The following PPFIA2 variants were observed in gnomAD, a reference collection of about 807,000 sequenced individuals.
PPFIA2 encodes liprin-alpha-2.
Under a neutral mutation model 175.5 loss-of-function variants are expected in PPFIA2, and 46 were observed. The observed-to-expected ratio is 0.26, with a 90% confidence interval of 0.21 to 0.34. PPFIA2 has a LOEUF of 0.34. PPFIA2 is among the 10% of genes least tolerant of loss of function. The pLI is 1.00. For synonymous variants in PPFIA2, 568 were observed against 511.4 expected (o/e 1.11, Z -1.49); for missense variants, 1,179 against 1,506.1 (o/e 0.78, Z 3.60).
rs773307283 is a variant in PPFIA2 at position 81,384,206 on chromosome 12, A to G, written c.801T>C (p.Thr267=). The part of the protein sequence containing the change: ...SNGSIDSTDE[T]SQIVELQELL... The stretch of plus-strand genomic sequence containing the variant: ...ATTCTTGTAGTTCAACTATTTGACT[A>G]GTTTCATCGGTTGAGTCTATAGAAC... Residue 267 remains threonine, a synonymous_variant, in exon 9 of 33, where the codon ACT becomes ACC. Transcript: ENST00000549396. The G allele has an allele frequency of 3.1e-6, 5 of 1,603,844 alleles. No individual in the cohort carries two copies. Among genetic ancestry groups the G allele is most frequent in the East Asian group, 4.5e-5 (2 of 44,562 alleles).
intron 4 of PPFIA2, among the ~76,000 whole-genome samples, chr12:81,670,057 G>A (rs1287240085): frequency 2.0e-5 from 3 of 151,930 alleles, no homozygotes; most frequent in African/African-American, 4.8e-5. Flanking sequence ...TTTGAGAAGG[G>A]TAGCATGAAG....
chr12:81,508,984 A>C (rs1429619731), intron 4 of PPFIA2, among the ~76,000 whole-genome samples: 1 of 152,164 alleles, frequency 6.6e-6, no homozygotes, highest in African/African-American at 2.4e-5. Flanking sequence ...CTGGATTAAG[A>C]AAATGTGGCA....
At chr12:81,462,258 T>TATATATATATATATGTTAGAAAAC (rs2054680688) in intron 4 of PPFIA2, among the ~76,000 whole-genome samples, 19 of 93,620 alleles carry the variant, frequency 2.0e-4, no homozygotes, top group African/African-American at 9.4e-4. Context: ...TTCTAACATA[T>TATATATATATATATGTTAGAAAAC]ATATATATAT....
chr12:81,677,504 T>G (rs2072763892), intron 3 of PPFIA2, among the ~76,000 whole-genome samples: 2 of 151,920 alleles, frequency 1.3e-5, no homozygotes, highest in African/African-American at 4.8e-5. Context: ...ACCTCCCAAC[T>G]AGCCTTCCCA....
chr12:81,405,892 C>G lies in PPFIA2; in HGVS notation c.657G>C (p.Leu219Phe). 1 of 1,559,166 alleles carries G rather than the reference C, an allele frequency of 6.4e-7. No homozygotes were observed. The highest frequency in any genetic ancestry group is 8.7e-7 in the Non-Finnish European group (1 of 1,149,350). Residue 219 changes from leucine to phenylalanine, a missense_variant, in exon 8 of 33, where the codon TTG (leucine) becomes TTC (phenylalanine). Leu to Phe is a conservative substitution (Grantham distance 22, BLOSUM62 0). This residue lies in a region of PPFIA2 where 226 missense variants were observed against 216.6 expected (regional missense o/e 1.04). Coordinates refer to ENST00000549396, the MANE Select transcript of PPFIA2 (RefSeq NM_003625.5). Reference protein sequence around the residue: ...LAAANQEIVALREQNVHIQRK... With the variant: ...LAAANQEIVAFREQNVHIQRK... ...TTTGTATATGAACATTTTGTTCACG[C>G]AAGGCAACAATCTGCAAAATAAAAG...
At chr12:81,684,242 A>G (rs2074108480) in intron 3 of PPFIA2, among the ~76,000 whole-genome samples, 2 of 152,118 alleles carry the variant, frequency 1.3e-5, no homozygotes, top group South Asian at 4.1e-4. Context: ...CAAACTGACA[A>G]ACTCGGAGAC....
At chr12:81,701,695 CAATA>C (rs2076493737) in intron 3 of PPFIA2, among the ~76,000 whole-genome samples, 1 of 151,780 alleles carries the variant, frequency 6.6e-6, no homozygotes, top group African/African-American at 2.4e-5. Context: ...ACATAGTGCT[CAATA>C]AATAAATATC....
At chr12:81,685,450 T>C (rs1276400538) in intron 3 of PPFIA2, among the ~76,000 whole-genome samples, 2 of 152,112 alleles carry the variant, frequency 1.3e-5, no homozygotes, top group Admixed American at 1.3e-4. Context: ...TCTCTTTCTT[T>C]ACTTTGAGTA....
intron 3 of PPFIA2, 29 bp downstream of exon 3, chr12:81,753,944 G>A: frequency 6.2e-7 from 1 of 1,609,386 alleles, no homozygotes; most frequent in South Asian, 1.1e-5. Flanking sequence ...AATTACAATA[G>A]GAGAAACAAA....
rs1473191555 is a variant in PPFIA2, at chr12:81,615,120, CA to C, written c.303+61670del. Among the ~76,000 whole-genome samples, 8 of 152,204 alleles carry C rather than the reference CA, an allele frequency of 5.3e-5. No individual in the cohort carries two copies. In the East Asian group the frequency reaches 1.4e-3, roughly 26 times the overall value. Reference sequence around the variant, plus strand: ...AAGTCTTTAATTTTATGTAATTGTTCAGATTTTTCTGAGGGAGCAAATGGAT... The same window carrying C: ...AAGTCTTTAATTTTATGTAATTGTTCGATTTTTCTGAGGGAGCAAATGGAT... On this transcript the variant is annotated intron_variant, in intron 4 of 32. Transcript: ENST00000549396.
At chr12:81,601,985 CT>C (rs534892619) in intron 4 of PPFIA2, among the ~76,000 whole-genome samples, 6 of 151,816 alleles carry the variant, frequency 4.0e-5, no homozygotes, top group African/African-American at 1.4e-4. Flanking sequence ...AACTTTTTTC[CT>C]TTTCTCCTGC....
intron 8 of PPFIA2, among the ~76,000 whole-genome samples, chr12:81,388,790 T>C (rs1048980748): frequency 2.6e-5 from 4 of 152,030 alleles, no homozygotes; most frequent in Non-Finnish European, 5.9e-5. Context: ...GGTAATCACA[T>C]AGAGGTGATC....
intron 27 of PPFIA2, 109 bp from the exon 28 acceptor site, chr12:81,277,523 A>G: frequency 9.0e-7 from 1 of 1,112,318 alleles, no homozygotes; most frequent in Non-Finnish European, 1.2e-6. Context: ...TAGGGCAACA[A>G]GTTAATAAAT....
chr12:81,386,044 G>A (rs1365270235), intron 8 of PPFIA2, among the ~76,000 whole-genome samples: 1 of 151,874 alleles, frequency 6.6e-6, no homozygotes, highest in African/African-American at 2.4e-5. Flanking sequence ...GGGAGGCTGA[G>A]GCAGGAGACT....
chr12:81,301,025 G>A (rs975581209), intron 22 of PPFIA2, among the ~76,000 whole-genome samples: 7 of 152,018 alleles, frequency 4.6e-5, no homozygotes, highest in East Asian at 3.9e-4. Flanking sequence ...AGCTGCTAAC[G>A]TGAAAACTTG....
At chr12:81,395,366 C>T (rs1489529483) in intron 8 of PPFIA2, among the ~76,000 whole-genome samples, 1 of 151,780 alleles carries the variant, frequency 6.6e-6, no homozygotes, top group African/African-American at 2.4e-5. Context: ...AAACAGTATA[C>T]AATAGAGGCA....
chr12:81,626,745 A>G (rs2062755745), intron 4 of PPFIA2, among the ~76,000 whole-genome samples: 1 of 152,044 alleles, frequency 6.6e-6, no homozygotes, highest in African/African-American at 2.4e-5. Flanking sequence ...TACATTTTGG[A>G]CGATGTGTAT....
intron 5 of PPFIA2, among the ~76,000 whole-genome samples, chr12:81,446,739 G>A (rs1186978065): frequency 6.6e-6 from 1 of 152,026 alleles, no homozygotes; most frequent in Non-Finnish European, 1.5e-5. Context: ...ACTGAAGGTG[G>A]AAAGAATAAA....
intron 4 of PPFIA2, among the ~76,000 whole-genome samples, chr12:81,581,753 A>G (rs2074445461): frequency 1.2e-5 from 1 of 81,988 alleles, no homozygotes; most frequent in East Asian, 4.3e-4. Flanking sequence ...CAAACAAACA[A>G]AAACAACCCT....
Sources: allele counts gnomAD v4.1 joint callset (sites outside exome capture counted in the v4.1 genomes callset), GRCh38; gene constraint gnomAD v4.1.1; regional missense constraint gnomAD v4.1.1; transcripts MANE v1.5; gene names NCBI Gene and HGNC (gene_info 2026-07-23, HGNC 2026-07-21).